SLC39A11: variants seen among roughly 807,000 people sequenced by gnomAD.
SLC39A11 encodes the protein solute carrier family 39 member 11, also known as zinc transporter ZIP11.
Under a neutral mutation model 36.1 loss-of-function variants are expected in SLC39A11, and 33 were observed. That is an observed-to-expected ratio of 0.91 (90% CI 0.69 to 1.22). SLC39A11 has a LOEUF of 1.22. SLC39A11 is among the 50% of genes most tolerant of loss of function. SLC39A11 has a pLI of 0.00. For synonymous variants in SLC39A11, 166 were observed against 170.3 expected, an observed-to-expected ratio of 0.97 and a Z score of 0.20; for missense variants, 432 against 430.3, an observed-to-expected ratio of 1.00 and a Z score of -0.03.
chr17:72,933,811 C>T (rs754341929), intron 5 of SLC39A11, among the ~76,000 whole-genome samples: 8 of 152,080 alleles, frequency 5.3e-5, no homozygotes, highest in Non-Finnish European at 1.2e-4. Context: ...TGAGCCACCA[C>T]GCCTGGTGCC....
intron 4 of SLC39A11, among the ~76,000 whole-genome samples, chr17:73,023,363 G>T (rs897259324): frequency 1.3e-5 from 2 of 152,226 alleles, no homozygotes; most frequent in African/African-American, 4.8e-5. Context: ...TTAAACTGAA[G>T]ATGGGCCAGG....
chr17:72,853,409 A>G (rs1470333024), intron 5 of SLC39A11, among the ~76,000 whole-genome samples: 1 of 151,648 alleles, frequency 6.6e-6, no homozygotes, highest in Non-Finnish European at 1.5e-5. Flanking sequence ...CTAAACACAC[A>G]CTCTAACAAT....
intron 5 of SLC39A11, among the ~76,000 whole-genome samples, chr17:72,914,367 AT>A (rs547695076): frequency 1.6e-3 from 241 of 152,198 alleles, no homozygotes; most frequent in Non-Finnish European, 2.8e-3. Context: ...AATAATAAAA[AT>A]AATACAAATA....
chr17:72,777,362 C>T (rs1283472901), intron 6 of SLC39A11, among the ~76,000 whole-genome samples: 2 of 152,044 alleles, frequency 1.3e-5, no homozygotes. Flanking sequence ...CCAGTATCCC[C>T]CCAAAATCCA....
At chr17:73,043,111 C>T (rs2059163473) in intron 3 of SLC39A11, among the ~76,000 whole-genome samples, 1 of 152,050 alleles carries the variant, frequency 6.6e-6, no homozygotes, top group Non-Finnish European at 1.5e-5. Context: ...AAGGGGATAC[C>T]AATATTGTTT....
At chr17:72,910,171 G>A (rs537103785) in intron 5 of SLC39A11, among the ~76,000 whole-genome samples, 5 of 152,124 alleles carry the variant, frequency 3.3e-5, no homozygotes, top group Non-Finnish European at 5.9e-5. Context: ...GAAGAGGGGA[G>A]GTGGGAAGGG....
chr17:72,699,315 G>A (rs903134415), intron 7 of SLC39A11, among the ~76,000 whole-genome samples: 2 of 152,220 alleles, frequency 1.3e-5, no homozygotes, highest in Non-Finnish European at 2.9e-5. Context: ...TGTCTTAACA[G>A]AGTTTATGAA....
At position 73,011,725 on chromosome 17, in the gene SLC39A11, G is replaced by A. The variant is rs1453950385; in HGVS notation, c.306+19831C>T. Among the ~76,000 whole-genome samples, 11 of 150,182 alleles carry A rather than the reference G, an allele frequency of 7.3e-5. No homozygotes were observed. In the East Asian group the frequency reaches 1.6e-3, roughly 22 times the overall value. ...TGCCCAGGCTGGAGTGCAGCGGCGC[G>A]ATCTTGGCTCACTGCAACCTTCGCC... On this transcript the variant is annotated intron_variant, in intron 4 of 9. Coordinates refer to ENST00000255559, the MANE Select transcript of SLC39A11 (RefSeq NM_139177.4).
chr17:72,665,671 G>A (rs774084747), intron 7 of SLC39A11, among the ~76,000 whole-genome samples: 4 of 152,128 alleles, frequency 2.6e-5, no homozygotes, highest in Non-Finnish European at 4.4e-5. Context: ...AAAGGTGTGA[G>A]CCACCACACC....
intron 6 of SLC39A11, among the ~76,000 whole-genome samples, chr17:72,812,258 T>C (rs1176174451): frequency 2.6e-5 from 4 of 152,220 alleles, no homozygotes; most frequent in African/African-American, 9.6e-5. Context: ...GTCAACCTGA[T>C]GGGCTGGCAA....
intron 6 of SLC39A11, among the ~76,000 whole-genome samples, chr17:72,840,752 C>T (rs2078768491): frequency 6.6e-6 from 1 of 151,002 alleles, no homozygotes; most frequent in African/African-American, 2.4e-5. Context: ...AGCGAGACTC[C>T]ATCTCAAAAA....
rs551171799 is a variant in SLC39A11, at chr17:72,691,059, G to T, written c.672-41791C>A. On this transcript the variant is annotated intron_variant, in intron 7 of 9. Coordinates refer to ENST00000255559, the MANE Select transcript of SLC39A11 (RefSeq NM_139177.4). ...AGGACTCTCAAAGGCTTAGCTCAAA[G>T]GAATGATTCCATACATGGAGTCTGC... is the stretch of plus-strand genomic sequence containing the variant. 2.6e-5 allele frequency among the ~76,000 whole-genome samples: 4 copies of T among 152,322 alleles called. No individual in the cohort carries two copies. In the East Asian group the frequency reaches 7.7e-4, roughly 29 times the overall value.
At chr17:72,985,650 T>A (rs766869060) in intron 4 of SLC39A11, among the ~76,000 whole-genome samples, 8 of 152,098 alleles carry the variant, frequency 5.3e-5, no homozygotes, top group Non-Finnish European at 1.0e-4. Context: ...TGACCTCAGG[T>A]GATCCACCCA....
chr17:72,913,413 C>G (rs755264773), intron 5 of SLC39A11, among the ~76,000 whole-genome samples: 1 of 151,846 alleles, frequency 6.6e-6, no homozygotes, highest in Non-Finnish European at 1.5e-5. Context: ...AGGCAGGCAG[C>G]CAGGAAGTAA....
At chr17:72,971,457 A>G (rs1179278609) in intron 4 of SLC39A11, among the ~76,000 whole-genome samples, 1 of 152,062 alleles carries the variant, frequency 6.6e-6, no homozygotes, top group African/African-American at 2.4e-5. Context: ...CCCGATTTTA[A>G]TGAAAATCTC....
At chr17:72,919,267 A>G (rs1347509121) in intron 5 of SLC39A11, among the ~76,000 whole-genome samples, 2 of 152,032 alleles carry the variant, frequency 1.3e-5, no homozygotes, top group Non-Finnish European at 2.9e-5. Context: ...TGATAATAAT[A>G]ATAATAATAA....
intron 2 of SLC39A11, among the ~76,000 whole-genome samples, chr17:73,088,367 C>CTT (rs2060809205): frequency 6.6e-6 from 1 of 151,918 alleles, no homozygotes; most frequent in East Asian, 1.9e-4. Flanking sequence ...GCTAACGAAG[C>CTT]CTCAATAACT....
intron 7 of SLC39A11, among the ~76,000 whole-genome samples, chr17:72,693,824 G>A (rs545978931): frequency 1.8e-4 from 27 of 152,268 alleles, no homozygotes; most frequent in African/African-American, 6.3e-4. Context: ...CACCACGCCT[G>A]GCTAATTTTT....
chr17:72,743,795 A>T (rs912562712), intron 6 of SLC39A11, among the ~76,000 whole-genome samples: 15 of 152,234 alleles, frequency 9.9e-5, no homozygotes, highest in Admixed American at 9.8e-4. Flanking sequence ...TCATGCCCCC[A>T]GTGTCCCACC....
Sources: allele counts gnomAD v4.1 joint callset (sites outside exome capture counted in the v4.1 genomes callset), GRCh38; gene constraint gnomAD v4.1.1; transcripts MANE v1.5; gene names NCBI Gene and HGNC (gene_info 2026-07-23, HGNC 2026-07-21).